Variants in PPEF2 observed in about 807,000 individuals in gnomAD.
PPEF2 encodes the protein protein phosphatase with EF-hand domain 2, also known as serine/threonine-protein phosphatase with EF-hands 2.
A neutral mutation model predicts 84.7 loss-of-function variants in PPEF2; 84 were observed. That is an observed-to-expected ratio of 0.99 (90% CI 0.83 to 1.19). The LOEUF (loss-of-function observed/expected upper bound fraction) is 1.19. Ranked by LOEUF, PPEF2 falls within the 50% of genes most tolerant of loss-of-function variation. The pLI is 0.00. For missense variants in PPEF2, 924 were observed against 937.5 expected (o/e 0.99, Z 0.19); for synonymous variants, 346 against 345.2 (o/e 1.00, Z -0.03).
At chr4:75,861,954 T>A (rs549172353) in intron 16 of PPEF2, among the ~76,000 whole-genome samples, 89 of 149,976 alleles carry the variant, frequency 5.9e-4, no homozygotes, top group African/African-American at 2.1e-3. Context: ...ACCAAAAGCA[T>A]AAACAACAAA....
intron 16 of PPEF2, among the ~76,000 whole-genome samples, chr4:75,863,891 G>A (rs187458624): frequency 0.01 from 1,403 of 135,066 alleles, 28 homozygotes; most frequent in African/African-American, 0.037. Context: ...TTTTTTTTCC[G>A]CGACAGAGTC....
In PPEF2 at chr4:75,890,257, G is replaced by A. The variant is rs571067703; in HGVS notation, c.242-125C>T. The A allele has an allele frequency of 2.2e-5, 23 of 1,024,168 alleles. No individual in the cohort carries two copies. The East Asian group carries it at 5.6e-4, about 25-fold the overall frequency. 63.4% of individuals were successfully genotyped at this position (1,024,168 alleles called of 1,614,324 possible). A position where few individuals can be genotyped will look rare whatever the true frequency, so the allele number is the denominator to read the frequency against. On this transcript the variant is annotated intron_variant, in intron 4 of 16. Coordinates refer to ENST00000286719, the MANE Select transcript of PPEF2 (RefSeq NM_006239.3). ...TCCCAGAAATTTGCGGGGCCAAGGAGGGAGGATTGCTTGAGCCCAGGAGTT... is the reference window on the plus strand; with the variant it reads ...TCCCAGAAATTTGCGGGGCCAAGGAAGGAGGATTGCTTGAGCCCAGGAGTT...
In PPEF2 at chr4:75,889,978, T is replaced by C. The variant is rs747994811; in HGVS notation, c.396A>G (p.Val132=). 6.2e-7 allele frequency: 1 copy of C among 1,614,180 alleles called. No homozygotes were observed. Among genetic ancestry groups the C allele is most frequent in the Non-Finnish European group, 8.5e-7 (1 of 1,180,028 alleles). The change falls in exon 5 of 17, where the codon GTA becomes GTG. Residue 132 remains valine, a synonymous_variant. Coordinates refer to ENST00000286719, the MANE Select transcript of PPEF2 (RefSeq NM_006239.3). ...TTACTTGTTTCAGTCTGAATGCTTCTACCAGGGCAGTTGCATGGTCAGGCA... is the reference window on the plus strand; with the variant it reads ...TTACTTGTTTCAGTCTGAATGCTTCCACCAGGGCAGTTGCATGGTCAGGCA... The part of the protein sequence containing the change: ...PLLPDHATAL[V]EAFRLKQQLH...
intron 3 of PPEF2, 49 bp from the exon 4 acceptor site, chr4:75,891,754 A>G (rs777067467): frequency 1.9e-6 from 3 of 1,599,228 alleles, no homozygotes; most frequent in South Asian, 2.3e-5. Context: ...GCGAAAAGAG[A>G]ACCCACAAGT....
At chr4:75,862,744 T>C (rs190520105) in intron 16 of PPEF2, among the ~76,000 whole-genome samples, 1 of 152,330 alleles carries the variant, frequency 6.6e-6, no homozygotes. Context: ...GATTTGGTAA[T>C]TCCTCAAAAA....
chr4:75,896,679 G>C (rs1725017133), intron 1 of PPEF2, among the ~76,000 whole-genome samples: 1 of 152,000 alleles, frequency 6.6e-6, no homozygotes, highest in South Asian at 2.1e-4. Context: ...TCCTCTAACT[G>C]TCACCCAACC....
rs377763021 is a variant in PPEF2 at position 75,888,342 on chromosome 4, G to A, written c.418-14C>T. 4 of 1,579,688 alleles carry A rather than the reference G, an allele frequency of 2.5e-6. No individual in the cohort carries two copies. The highest frequency in any genetic ancestry group is 3.5e-6 in the Non-Finnish European group (4 of 1,148,928). On this transcript the variant is annotated splice_polypyrimidine_tract_variant and intron_variant, in intron 5 of 16. Coordinates refer to ENST00000286719, the MANE Select transcript of PPEF2 (RefSeq NM_006239.3). Reference sequence around the variant, plus strand: ...AGCATGGAGCTGCTACTGGGAGGAAGAGGAGGGAAGGAAGAAAACAACACT... The same window carrying A: ...AGCATGGAGCTGCTACTGGGAGGAAAAGGAGGGAAGGAAGAAAACAACACT...
chr4:75,882,997 C>T lies in PPEF2; in HGVS notation c.862G>A (p.Val288Ile). Residue 288 changes from valine (V) to isoleucine (I), a missense_variant, in exon 10 of 17, where the codon GTT becomes ATT. Coordinates refer to ENST00000286719, the MANE Select transcript of PPEF2 (RefSeq NM_006239.3). ...LPLATLIDEK[V>I]LILHGGVSDI... ...GACACCCCACCATGAAGAATTAGAACTTTCTCATCTATCAGAGTGGCCAGT... is the reference window on the plus strand; with the variant it reads ...GACACCCCACCATGAAGAATTAGAATTTTCTCATCTATCAGAGTGGCCAGT... The T allele has an allele frequency of 3.7e-6, 6 of 1,614,216 alleles. No homozygotes were observed. Among genetic ancestry groups the T allele is most frequent in the Non-Finnish European group, 5.1e-6 (6 of 1,180,020 alleles).
rs377019557 is a variant in PPEF2 at position 75,873,176 on chromosome 4, C to T, written c.1457G>A (p.Arg486His). 2.9e-5 allele frequency: 47 copies of T among 1,613,964 alleles called. No homozygotes were observed. Among genetic ancestry groups the T allele is most frequent in the East Asian group, 6.7e-5 (3 of 44,890 alleles). ...LQKYNMQFLI[R>H]SHECKPEGYE... is the part of the protein sequence containing the mutation. The stretch of plus-strand genomic sequence containing the variant: ...GCCTTCAGGTTTGCATTCATGTGAA[C>T]GGATCAGGAATTGCATGTTGTATTT... The change falls in exon 12 of 17, where the codon CGT (arginine) becomes CAT (histidine). Residue 486 changes from arginine (R) to histidine (H), a missense_variant. Coordinates refer to ENST00000286719, the MANE Select transcript of PPEF2 (RefSeq NM_006239.3).
intron 1 of PPEF2, among the ~76,000 whole-genome samples, chr4:75,899,924 T>C (rs1174379097): frequency 2.0e-5 from 3 of 152,234 alleles, no homozygotes; most frequent in Admixed American, 2.0e-4. Flanking sequence ...GAGTGTTTGA[T>C]GTGGGTGAGA....
At chr4:75,878,730 A>T (rs1268381439) in intron 10 of PPEF2, among the ~76,000 whole-genome samples, 1 of 152,156 alleles carries the variant, frequency 6.6e-6, no homozygotes, top group Non-Finnish European at 1.5e-5. Context: ...CCTTGTTGGC[A>T]CACAGTGAGG....
intron 11 of PPEF2, among the ~76,000 whole-genome samples, chr4:75,874,066 C>A (rs188223002): frequency 2.9e-4 from 44 of 151,750 alleles, no homozygotes; most frequent in African/African-American, 9.2e-4. Flanking sequence ...AGAGATCGTG[C>A]CACTGCACTC....
chr4:75,890,251 C>A, intron 4 of PPEF2, 119 bp from the exon 5 acceptor site: 1 of 1,100,094 alleles, frequency 9.1e-7, no homozygotes, highest in Non-Finnish European at 1.3e-6. Context: ...TTTGCGGGGC[C>A]AAGGAGGGAG....
chr4:75,891,815 G>A (rs1405195295), intron 3 of PPEF2, 36 bp downstream of exon 3: 15 of 1,600,478 alleles, frequency 9.4e-6, no homozygotes, highest in Non-Finnish European at 1.3e-5. Flanking sequence ...GCCCAAGGGA[G>A]AGCAGGAGGC....
chr4:75,865,125 C>T (rs368380849), intron 15 of PPEF2, among the ~76,000 whole-genome samples: 1 of 152,008 alleles, frequency 6.6e-6, no homozygotes, highest in Non-Finnish European at 1.5e-5. Flanking sequence ...TTAGTAGAGA[C>T]GGGGTTTCTC....
rs1176773358 is a variant in PPEF2 at position 75,860,489 on chromosome 4, C to CACAT, written c.*174_*177dup. ...GGTTGGGGCACTCATATACTTAAAA[C>CACAT]ACATACATACACAACACCCCAACCC... is the stretch of plus-strand genomic sequence containing the variant. On this transcript the variant is annotated 3_prime_UTR_variant, in exon 17 of 17. Coordinates refer to ENST00000286719, the MANE Select transcript of PPEF2 (RefSeq NM_006239.3). The CACAT allele has an allele frequency of 1.3e-6, 1 of 751,888 alleles. No homozygotes were observed. The highest frequency in any genetic ancestry group is 1.8e-5 in the African/African-American group (1 of 56,632). The allele number at this position is 751,888 out of a possible 1,614,324, so 46.6% of individuals were successfully genotyped here. A position where few individuals can be genotyped will look rare whatever the true frequency, so the allele number is the denominator to read the frequency against.
At position 75,883,169 on chromosome 4, in the gene PPEF2, G is replaced by A. The variant is rs1327565545; in HGVS notation, c.780C>T (p.Tyr260=). 1 of 1,613,744 alleles carries A rather than the reference G, an allele frequency of 6.2e-7. No individual in the cohort carries two copies. Among genetic ancestry groups the A allele is most frequent in the East Asian group, 2.2e-5 (1 of 44,874 alleles). The part of the protein sequence containing the change: ...YGFTKEVMNK[Y]KVHGKEILRT... ...TTTGTCTTTAAAGGCAGCGCACCTT[G>A]TATTTATTCATCACTTCCTTGGTGA... The change falls in exon 9 of 17, where the codon TAC becomes TAT. Residue 260 remains tyrosine, a synonymous_variant. Coordinates refer to ENST00000286719, the MANE Select transcript of PPEF2 (RefSeq NM_006239.3).
intron 10 of PPEF2, among the ~76,000 whole-genome samples, chr4:75,877,464 CCTTTGAGAGTACCA>C (rs1209678090): frequency 6.6e-6 from 1 of 152,036 alleles, no homozygotes; most frequent in African/African-American, 2.4e-5. Context: ...AACTGTAGGT[CCTTTGAGAGTACCA>C]CTTTGACACC....
In PPEF2 at chr4:75,876,681, C is replaced by A. The variant is rs1369104051; in HGVS notation, c.934-8G>T. The A allele has an allele frequency of 1.3e-6, 2 of 1,526,390 alleles. No homozygotes were observed. The highest frequency in any genetic ancestry group is 1.3e-5 in the South Asian group (1 of 76,670). The allele number at this position is 1,526,390 out of a possible 1,614,324, so 94.6% of individuals were successfully genotyped here. The stretch of plus-strand genomic sequence containing the variant: ...CCTCATGGTGGAAACTATCTAAACA[C>A]GTCCAGAAAGAGATACAGATGCTGG... On this transcript the variant is annotated splice_polypyrimidine_tract_variant and splice_region_variant and intron_variant, in intron 10 of 16. Transcript: ENST00000286719.
Sources: allele counts gnomAD v4.1 joint callset (sites outside exome capture counted in the v4.1 genomes callset), GRCh38; gene constraint gnomAD v4.1.1; transcripts MANE v1.5; gene names NCBI Gene and HGNC (gene_info 2026-07-23, HGNC 2026-07-21).